The following SLA variants were observed in gnomAD, a reference collection of about 807,000 sequenced individuals.
The protein encoded by SLA is Src like adaptor, also known as src-like-adapter.
SLA carries 16 observed loss-of-function variants against 30.3 expected under a neutral mutation model. The ratio of observed to expected loss-of-function variants is 0.53; its 90% CI spans 0.36 to 0.80. SLA has a LOEUF of 0.80. Ranked by LOEUF, SLA falls within the 30% of genes least tolerant of loss-of-function variation. The pLI is 0.01. For synonymous variants in SLA, 143 were observed against 137.8 expected (o/e 1.04, Z -0.26); for missense variants, 310 against 345.2 (o/e 0.90, Z 0.81).
At chr8:133,075,973 T>G (rs540110559) in intron 1 of SLA, 1 of 152,324 alleles carries the variant, frequency 6.6e-6, no homozygotes, top group East Asian at 1.9e-4. Context: ...ATGTTATACA[T>G]TATGTAAATA....
chr8:133,080,311 C>G (rs1462995851), intron 1 of SLA, among the ~76,000 whole-genome samples: 1 of 152,164 alleles, frequency 6.6e-6, no homozygotes, highest in Admixed American at 6.5e-5. Flanking sequence ...TCCACTCACT[C>G]TATGTATCTA....
chr8:133,038,429 T>G lies in SLA; in HGVS notation c.*95A>C. The stretch of plus-strand genomic sequence containing the variant: ...TCTTGGCTTCTAAAATACGTGAGGC[T>G]CCCAGGGATCAGGGAACCTCGCTTT... On this transcript the variant is annotated 3_prime_UTR_variant, in exon 9 of 9. Coordinates refer to ENST00000338087, the MANE Select transcript of SLA (RefSeq NM_001045556.3). The G allele has an allele frequency of 1.1e-6, 1 of 936,942 alleles. No individual in the cohort carries two copies. The highest frequency in any genetic ancestry group is 1.7e-6 in the Non-Finnish European group (1 of 580,614). The allele number at this position is 936,942 out of a possible 1,614,324, so 58.0% of individuals were successfully genotyped here.
At chr8:133,096,169 A>T (rs1230742781) in intron 1 of SLA, 1 of 1,612,744 alleles carries the variant, frequency 6.2e-7, no homozygotes, top group South Asian at 1.1e-5. Context: ...GCAACTGATT[A>T]TTCCAGGACA....
At chr8:133,066,919 C>T (rs996819326) in intron 2 of SLA, among the ~76,000 whole-genome samples, 1 of 152,160 alleles carries the variant, frequency 6.6e-6, no homozygotes, top group Non-Finnish European at 1.5e-5. Flanking sequence ...CAAGTACCTT[C>T]CTCTGTCTGG....
intron 2 of SLA, among the ~76,000 whole-genome samples, chr8:133,062,648 C>A (rs181376859): frequency 6.6e-6 from 1 of 152,130 alleles, no homozygotes; most frequent in Non-Finnish European, 1.5e-5. Context: ...GGGAAGCATG[C>A]GTGTGACATG....
chr8:133,077,769 G>A (rs1018869096), intron 1 of SLA, among the ~76,000 whole-genome samples: 11 of 151,118 alleles, frequency 7.3e-5, no homozygotes, highest in Admixed American at 1.3e-4. Context: ...GTGTGTGTTT[G>A]TATGTGTGTG....
chr8:133,068,573 G>A (rs1052148162), intron 2 of SLA, among the ~76,000 whole-genome samples: 1 of 152,114 alleles, frequency 6.6e-6, no homozygotes, highest in African/African-American at 2.4e-5. Flanking sequence ...TGCCTTCCTG[G>A]GTGTTCTCAT....
chr8:133,097,723 T>C (rs1438348690), intron 1 of SLA, among the ~76,000 whole-genome samples: 3 of 152,234 alleles, frequency 2.0e-5, no homozygotes, highest in African/African-American at 7.2e-5. Context: ...TCTGGAGATG[T>C]AGAGATGTGA....
intron 2 of SLA, among the ~76,000 whole-genome samples, chr8:133,068,364 AGGCTG>A (rs968764700): frequency 2.0e-5 from 3 of 152,222 alleles, no homozygotes; most frequent in Non-Finnish European, 2.9e-5. Context: ...GCTAACAGAG[AGGCTG>A]GGCTTTATGC....
chr8:133,052,172 A>G (rs1175834101), intron 3 of SLA, among the ~76,000 whole-genome samples: 1 of 152,246 alleles, frequency 6.6e-6, no homozygotes, highest in African/African-American at 2.4e-5. Context: ...TCCGAGTCAT[A>G]AGCCTCTTGG....
At chr8:133,081,659 G>A (rs1207880000) in intron 1 of SLA, among the ~76,000 whole-genome samples, 7 of 152,188 alleles carry the variant, frequency 4.6e-5, no homozygotes, top group Non-Finnish European at 5.9e-5. Flanking sequence ...ATGTTGATTC[G>A]TTCAAGCTGT....
intron 1 of SLA, among the ~76,000 whole-genome samples, chr8:133,092,548 C>G (rs1373589000): frequency 1.3e-5 from 2 of 152,198 alleles, no homozygotes; most frequent in South Asian, 2.1e-4. Context: ...ACAGCTCCCA[C>G]TGTGCAGAGG....
chr8:133,077,304 T>A (rs1453525089), intron 1 of SLA, among the ~76,000 whole-genome samples: 1 of 152,082 alleles, frequency 6.6e-6, no homozygotes, highest in Non-Finnish European at 1.5e-5. Context: ...GGGGTCCCGT[T>A]CACAGGAGAA....
Position 133,040,306 on chromosome 8 carries a change from G to C in SLA, c.485-176C>G, listed in dbSNP as rs553701860. 103 of 664,532 alleles carry C rather than the reference G, an allele frequency of 1.5e-4. No homozygotes were observed. In the East Asian group the frequency reaches 2.1e-3, roughly 13 times the overall value. 41.2% of individuals were successfully genotyped at this position (664,532 alleles called of 1,614,324 possible). A position where few individuals can be genotyped will look rare whatever the true frequency, so the allele number is the denominator to read the frequency against. ...AATGCTGAAAGTCACGCGCCCAGCT[G>C]TTTGAGAAATGTAAGCGTGCCCTGG... On this transcript the variant is annotated intron_variant, in intron 7 of 8. Coordinates refer to ENST00000338087, the MANE Select transcript of SLA (RefSeq NM_001045556.3).
intron 7 of SLA, 123 bp downstream of exon 7, chr8:133,044,861 A>G: frequency 3.3e-6 from 3 of 909,578 alleles, no homozygotes; most frequent in Non-Finnish European, 5.3e-6. Context: ...ACGAGAGAGC[A>G]TATCATGAAG....
At chr8:133,048,756 C>T (rs1839913882) in intron 5 of SLA, 1 of 160,808 alleles carries the variant, frequency 6.2e-6, no homozygotes, top group Admixed American at 6.0e-5. Context: ...CAGAACGTGA[C>T]TCCCACGGCA....
At chr8:133,074,694 T>C (rs1844598531) in intron 2 of SLA, among the ~76,000 whole-genome samples, 159 bp downstream of exon 2, 1 of 152,208 alleles carries the variant, frequency 6.6e-6, no homozygotes, top group Admixed American at 6.5e-5. Flanking sequence ...TGCAGTGTGC[T>C]GGGCACCAGG....
chr8:133,060,175 C>A lies in SLA; in HGVS notation c.-15G>T. Reference sequence around the variant, plus strand: ...CTGTTTCCCATTTCTTTCTTTTTCCCTGGGGCCGCTGGTGATGCCCAGAGC... The same window carrying A: ...CTGTTTCCCATTTCTTTCTTTTTCCATGGGGCCGCTGGTGATGCCCAGAGC... On this transcript the variant is annotated 5_prime_UTR_variant, in exon 3 of 9. The change creates a new upstream start codon in the 5' untranslated region. Coordinates refer to ENST00000338087, the MANE Select transcript of SLA (RefSeq NM_001045556.3). 1 of 1,612,348 alleles carries A rather than the reference C, an allele frequency of 6.2e-7. No individual in the cohort carries two copies. The highest frequency in any genetic ancestry group is 8.5e-7 in the Non-Finnish European group (1 of 1,179,316).
intron 2 of SLA, among the ~76,000 whole-genome samples, chr8:133,068,369 G>A (rs1434807489): frequency 2.6e-5 from 4 of 152,220 alleles, no homozygotes; most frequent in Non-Finnish European, 5.9e-5. Flanking sequence ...CAGAGAGGCT[G>A]GGCTTTATGC....
Sources: allele counts gnomAD v4.1 joint callset (sites outside exome capture counted in the v4.1 genomes callset), GRCh38; gene constraint gnomAD v4.1.1; transcripts MANE v1.5; gene names NCBI Gene and HGNC (gene_info 2026-07-23, HGNC 2026-07-21).